The following IGSF21 variants were observed in gnomAD, a reference collection of about 807,000 sequenced individuals.
IGSF21 encodes immunoglobulin superfamily member 21.
Under a neutral mutation model 46.8 loss-of-function variants are expected in IGSF21, and 28 were observed. That is an observed-to-expected ratio of 0.60 (90% CI 0.44 to 0.82). IGSF21 has a LOEUF of 0.82. IGSF21 is among the 40% of genes least tolerant of loss of function. IGSF21 has a pLI of 0.00. For synonymous variants in IGSF21, 284 were observed against 273.6 expected (o/e 1.04, Z -0.38); for missense variants, 624 against 665.5 (o/e 0.94, Z 0.69).
chr1:18,334,722 G>T lies in IGSF21; in HGVS notation c.306-170G>T, dbSNP rs568411218. On this transcript the variant is annotated intron_variant, in intron 3 of 9. Coordinates refer to ENST00000251296, the MANE Select transcript of IGSF21 (RefSeq NM_032880.5). This position sits in a 1 kb window ranked among gnomAD's most constrained non-coding sequence, Gnocchi z 4.3. ...CACTGTCTGAGATGCCGAGCACAGG[G>T]TCTGCATACAGTCGGTGTTCCATAA... 6.6e-6 allele frequency among the ~76,000 whole-genome samples: 1 copy of T among 152,278 alleles called. No individual in the cohort carries two copies. Among genetic ancestry groups the T allele is most frequent in the Non-Finnish European group, 1.5e-5 (1 of 68,020 alleles).
At chr1:18,288,768 G>A (rs977111774) in intron 2 of IGSF21, among the ~76,000 whole-genome samples, 1 of 152,192 alleles carries the variant, frequency 6.6e-6, no homozygotes, top group Non-Finnish European at 1.5e-5. Context: ...GAAGGAGTGT[G>A]TACCACAGAC....
chr1:18,148,758 A>T, intron 1 of IGSF21, among the ~76,000 whole-genome samples: 1 of 152,206 alleles, frequency 6.6e-6, no homozygotes, highest in African/African-American at 2.4e-5. Flanking sequence ...CAGAGATATC[A>T]TATCATCGCT....
At chr1:18,258,686 T>A (rs542153822) in intron 2 of IGSF21, among the ~76,000 whole-genome samples, 4 of 152,216 alleles carry the variant, frequency 2.6e-5, no homozygotes, top group Non-Finnish European at 4.4e-5. Context: ...TTTCCAGCTG[T>A]GTAACCTTGG....
intron 2 of IGSF21, among the ~76,000 whole-genome samples, chr1:18,278,207 CATTTATTTATTT>C (rs552817468): frequency 6.7e-4 from 33 of 48,904 alleles, no homozygotes; most frequent in South Asian, 2.7e-3. Context: ...TGGCTGCATT[CATTTATTTATTT>C]ATTTATTTAT....
chr1:18,204,965 T>C (rs2087111501), intron 1 of IGSF21, among the ~76,000 whole-genome samples: 1 of 152,214 alleles, frequency 6.6e-6, no homozygotes, highest in South Asian at 2.1e-4. Flanking sequence ...TAAACTGATG[T>C]TGGACACACA....
chr1:18,154,679 G>T (rs1427450436), intron 1 of IGSF21, among the ~76,000 whole-genome samples: 1 of 149,690 alleles, frequency 6.7e-6, no homozygotes, highest in Admixed American at 6.7e-5. Flanking sequence ...AGGGGTGGGG[G>T]TGGGGTGGAT....
chr1:18,349,450 G>C (rs910815262), intron 4 of IGSF21, among the ~76,000 whole-genome samples: 3 of 152,176 alleles, frequency 2.0e-5, no homozygotes, highest in African/African-American at 7.2e-5. Context: ...CATGGAGGAG[G>C]TGGCATGGAG....
chr1:18,123,034 C>A (rs1285679455), intron 1 of IGSF21, among the ~76,000 whole-genome samples: 2 of 152,140 alleles, frequency 1.3e-5, no homozygotes, highest in African/African-American at 2.4e-5. Flanking sequence ...TTGGAAAATA[C>A]CAGTTTGGTA....
rs143141136 is a variant in IGSF21, at chr1:18,220,640, C to T, written c.71-7258C>T. ...TGTCATTACAAGTAATTTTCGGTGT[C>T]CCAAGCAGTAGGAGCAGGAGAGGCA... On this transcript the variant is annotated intron_variant, in intron 1 of 9. Transcript: ENST00000251296. 3.0e-3 allele frequency among the ~76,000 whole-genome samples: 451 copies of T among 152,070 alleles called. 1 individual carries two copies. The highest frequency in any genetic ancestry group is 0.01 in the Middle Eastern group (3 of 294).
At chr1:18,296,843 T>A (rs1282602917) in intron 3 of IGSF21, among the ~76,000 whole-genome samples, 1 of 152,114 alleles carries the variant, frequency 6.6e-6, no homozygotes, top group Admixed American at 6.5e-5. Flanking sequence ...GAGGCCCTTG[T>A]CCCATTCGAT....
In IGSF21 at chr1:18,365,273, G is replaced by A. The variant is rs750077451; in HGVS notation, c.591G>A (p.Glu197=). 1 of 1,613,546 alleles carries A rather than the reference G, an allele frequency of 6.2e-7. No homozygotes were observed. Among genetic ancestry groups the A allele is most frequent in the Non-Finnish European group, 8.5e-7 (1 of 1,179,688 alleles). The change falls in exon 6 of 10, where the codon GAG becomes GAA. Residue 197 remains glutamate (E), a synonymous_variant. Coordinates refer to ENST00000251296, the MANE Select transcript of IGSF21 (RefSeq NM_032880.5). This position sits in a 1 kb window ranked among gnomAD's most constrained non-coding sequence, Gnocchi z 4.8. ...CAATCGACGCAGTGCCCCTATCAGA[G>A]CCACCAGCTGCGAGCTCCGGCCCCC... ...GEPIDAVPLS[E]PPAASSGPLQ... is the part of the protein sequence containing the mutation.
At position 18,309,629 on chromosome 1, in the gene IGSF21, C is replaced by A. The variant is rs1415799568; in HGVS notation, c.305+17642C>A. 4.6e-5 allele frequency among the ~76,000 whole-genome samples: 7 copies of A among 152,316 alleles called. No individual in the cohort carries two copies. The South Asian group carries it at 1.0e-3, about 23-fold the overall frequency. On this transcript the variant is annotated intron_variant, in intron 3 of 9. Transcript: ENST00000251296. ...GCACTGCACTTTCCATGACAGGGAGCCCAGTCCTCTGCACCCTGGGTGACC... is the reference window on the plus strand; with the variant it reads ...GCACTGCACTTTCCATGACAGGGAGACCAGTCCTCTGCACCCTGGGTGACC...
Position 18,278,975 on chromosome 1 carries a change from A to C in IGSF21, c.184-12891A>C, listed in dbSNP as rs927839238. 2.7e-4 allele frequency: 128 copies of C among 467,506 alleles called. 1 individual carries two copies. The highest frequency in any genetic ancestry group is 3.3e-4 in the Middle Eastern group (1 of 3,002). The allele number at this position is 467,506 out of a possible 1,614,324, so 29.0% of individuals were successfully genotyped here. A position where few individuals can be genotyped will look rare whatever the true frequency, so the allele number is the denominator to read the frequency against. On this transcript the variant is annotated intron_variant, in intron 2 of 9. Coordinates refer to ENST00000251296, the MANE Select transcript of IGSF21 (RefSeq NM_032880.5). ...TAATCAAATGTTGGGGGAAGAAAAC[A>C]TGAAGCTATAGAACTAAGCTAGGGC...
At chr1:18,316,447 T>A (rs1226871506) in intron 3 of IGSF21, among the ~76,000 whole-genome samples, 2 of 152,184 alleles carry the variant, frequency 1.3e-5, no homozygotes, top group Non-Finnish European at 2.9e-5. Context: ...TGCTCAGGGC[T>A]CTGCATGGAC....
At position 18,272,959 on chromosome 1, in the gene IGSF21, G is replaced by C. The variant is rs116165705; in HGVS notation, c.184-18907G>C. On this transcript the variant is annotated intron_variant, in intron 2 of 9. Coordinates refer to ENST00000251296, the MANE Select transcript of IGSF21 (RefSeq NM_032880.5). ...CCACTTTATGCTCAGGTGGGAGCTG[G>C]TGTCTTTCCCCGTTACTGGCCAGGT... Among the ~76,000 whole-genome samples the C allele has an allele frequency of 4.4e-3, 663 of 151,244 alleles. 10 individuals carry two copies. Among genetic ancestry groups the C allele is most frequent in the African/African-American group, 0.015 (628 of 41,106 alleles).
chr1:18,162,098 G>T (rs112034844), intron 1 of IGSF21, among the ~76,000 whole-genome samples: 23,567 of 151,994 alleles, frequency 0.16, 2,396 homozygotes, highest in Non-Finnish European at 0.23. Context: ...GAGTGCAGTG[G>T]CATGATCACA....
chr1:18,292,007 G>T lies in IGSF21; in HGVS notation c.305+20G>T, dbSNP rs535118239. 29 of 1,610,410 alleles carry T rather than the reference G, an allele frequency of 1.8e-5. No individual in the cohort carries two copies. The Admixed American group carries it at 4.8e-4, about 27-fold the overall frequency. On this transcript the variant is annotated intron_variant, in intron 3 of 9. Coordinates refer to ENST00000251296, the MANE Select transcript of IGSF21 (RefSeq NM_032880.5). ...TGTGAGGTGAGTGCCTGGGGGTGGCGGGCCGACAGCGGGGGAAGGGCGGAG... is the reference window on the plus strand; with the variant it reads ...TGTGAGGTGAGTGCCTGGGGGTGGCTGGCCGACAGCGGGGGAAGGGCGGAG...
chr1:18,257,499 A>C (rs2084903070), intron 2 of IGSF21, among the ~76,000 whole-genome samples: 2 of 152,130 alleles, frequency 1.3e-5, no homozygotes, highest in Non-Finnish European at 2.9e-5. Flanking sequence ...GTGACAGTGG[A>C]GGCTACGGAG....
At chr1:18,345,329 A>G (rs558685100) in intron 4 of IGSF21, among the ~76,000 whole-genome samples, 3 of 152,184 alleles carry the variant, frequency 2.0e-5, no homozygotes, top group Admixed American at 6.5e-5. Context: ...TTCAGACATG[A>G]CTTTTCTACC....
Sources: gnomAD v4.1 joint callset for allele counts (sites outside exome capture counted in the v4.1 genomes callset) on GRCh38, gnomAD v4.1.1 for gene constraint, Gnocchi (gnomAD v3.1) non-coding constraint, MANE v1.5 for transcripts, NCBI Gene and HGNC (gene_info 2026-07-23, HGNC 2026-07-21) for gene names.